ABCA7: variants seen among roughly 807,000 people sequenced by gnomAD.
ABCA7 encodes the protein phospholipid-transporting ATPase ABCA7.
In ABCA7, 261 loss-of-function variants were observed where a neutral mutation model predicts 227.6. The observed-to-expected ratio is 1.15, with a 90% CI of 1.04 to 1.27. The LOEUF (loss-of-function observed/expected upper bound fraction) is 1.27, where lower values mean the gene tolerates loss of function less well. Ranked by LOEUF, ABCA7 falls within the 50% of genes most tolerant of loss-of-function variation. The pLI is 0.00. For missense variants in ABCA7, 3,331 were observed against 2,924.5 expected, an observed-to-expected ratio of 1.14 and a Z score of -3.21; for synonymous variants, 1,488 against 1,279.7, an observed-to-expected ratio of 1.16 and a Z score of -3.47.
rs1437019287 is a variant in ABCA7 at position 1,051,297 on chromosome 19, G to A, written c.2824+3G>A. On this transcript the variant is annotated splice_donor_region_variant and intron_variant, in intron 20 of 46. Coordinates refer to ENST00000263094, the MANE Select transcript of ABCA7 (RefSeq NM_019112.4). ...TGTGCAGACTCGCCACCTCTCTGGT[G>A]AGCCCATCCCCAAGGGAGGTCACCT... The A allele has an allele frequency of 1.3e-6, 2 of 1,592,802 alleles. No homozygotes were observed. The highest frequency in any genetic ancestry group is 1.9e-4 in the Middle Eastern group (1 of 5,342).
chr19:1,054,770 TCACA>T lies in ABCA7; in HGVS notation c.3852-5_3852-2del. On this transcript the variant is annotated splice_region_variant and splice_polypyrimidine_tract_variant and intron_variant, in intron 28 of 46. Coordinates refer to ENST00000263094, the MANE Select transcript of ABCA7 (RefSeq NM_019112.4). This position sits in a 1 kb window ranked among gnomAD's most constrained non-coding sequence, Gnocchi z 4.8. ...TACAGCCCTGACCCTACATCTCCCC[TCACA>T]CACAGTGAGGACGCCCCAGGGGACC... 6.2e-7 allele frequency: 1 copy of T among 1,606,746 alleles called. No homozygotes were observed. The highest frequency in any genetic ancestry group is 1.3e-5 in the African/African-American group (1 of 74,862).
Position 1,049,314 on chromosome 19 carries a change from G to C in ABCA7, c.2429G>C (p.Arg810Pro), listed in dbSNP as rs140454592. ...GGCCTGAGTCCTGGCGTCTCCGTTC[G>C]CAGCCTGGAGAAGCGCTTTCCTGGA... The part of the protein sequence containing the change: ...PPGLSPGVSV[R>P]SLEKRFPGSP... The change falls in exon 18 of 47, where the codon CGC becomes CCC. Residue 810 changes from arginine (R) to proline (P), a missense_variant. Physicochemically the swap from Arg to Pro is moderately radical, Grantham distance 103 (BLOSUM62 -2). Transcript: ENST00000263094. The C allele has an allele frequency of 2.2e-5, 35 of 1,611,212 alleles. No homozygotes were observed. The highest frequency in any genetic ancestry group is 1.6e-4 in the Middle Eastern group (1 of 6,074).
intron 30 of ABCA7, 69 bp downstream of exon 30, chr19:1,055,420 G>C (rs1042741706): frequency 1.4e-6 from 2 of 1,462,374 alleles, no homozygotes; most frequent in African/African-American, 2.8e-5. Flanking sequence ...GGGCTGGTGT[G>C]GTCCTGGAGG....
Position 1,047,554 on chromosome 19 carries a change from T to G in ABCA7, c.2169T>G (p.Pro723=). Residue 723 remains proline (P), a synonymous_variant, in exon 16 of 47, where the codon CCT becomes CCG. Transcript: ENST00000263094. Reference sequence around the variant, plus strand: ...AGTGGCACAACGTGGGCACCCGGCCTACGGCAGACGTCTTCAGCCTGGCCC... The same window carrying G: ...AGTGGCACAACGTGGGCACCCGGCCGACGGCAGACGTCTTCAGCCTGGCCC... The part of the protein sequence containing the change: ...GAQWHNVGTR[P]TADVFSLAQV... The G allele has an allele frequency of 1.2e-6, 2 of 1,601,842 alleles. No individual in the cohort carries two copies. The highest frequency in any genetic ancestry group is 1.7e-6 in the Non-Finnish European group (2 of 1,178,812).
intron 9 of ABCA7, 34 bp downstream of exon 9, chr19:1,043,507 G>A (rs781511863): frequency 1.9e-6 from 3 of 1,612,750 alleles, no homozygotes; most frequent in South Asian, 2.2e-5. Context: ...GTGGGAGGGT[G>A]GTGGCCAGAG....
Position 1,043,035 on chromosome 19 carries a change from C to G in ABCA7, c.580-6C>G. 2 of 1,595,800 alleles carry G rather than the reference C, an allele frequency of 1.3e-6. No individual in the cohort carries two copies. The highest frequency in any genetic ancestry group is 1.1e-5 in the South Asian group (1 of 90,106). ...TTGCCAGCTCCGTCTGGTAACCTCT[C>G]TCTAGCTCCTGGCGCTGCGCAGCCT... On this transcript the variant is annotated splice_region_variant and splice_polypyrimidine_tract_variant and intron_variant, in intron 7 of 46. Transcript: ENST00000263094.
At chr19:1,055,819 C>T in intron 30 of ABCA7, 88 bp from the exon 31 acceptor site, 1 of 1,357,002 alleles carries the variant, frequency 7.4e-7, no homozygotes, top group Non-Finnish European at 9.9e-7. Context: ...CTGTTTTTGT[C>T]CACCCTTGAC....
intron 15 of ABCA7, 27 bp downstream of exon 15, chr19:1,047,405 G>C (rs1474566729): frequency 3.9e-6 from 6 of 1,549,734 alleles, no homozygotes; most frequent in Non-Finnish European, 5.2e-6. Context: ...GCGTGGATGG[G>C]GGACGCCCCC....
rs1410966785 is a variant in ABCA7, at chr19:1,054,761, C to T, written c.3852-19C>T. 1 of 1,607,344 alleles carries T rather than the reference C, an allele frequency of 6.2e-7. No homozygotes were observed. Among genetic ancestry groups the T allele is most frequent in the Non-Finnish European group, 8.5e-7 (1 of 1,176,668 alleles). ...ACCTGGGGGTACAGCCCTGACCCTACATCTCCCCTCACACACAGTGAGGAC... is the reference window on the plus strand; with the variant it reads ...ACCTGGGGGTACAGCCCTGACCCTATATCTCCCCTCACACACAGTGAGGAC... On this transcript the variant is annotated intron_variant, in intron 28 of 46. Transcript: ENST00000263094. The surrounding 1 kb of genome is among the most constrained non-coding windows in gnomAD (Gnocchi z 4.8).
At position 1,055,107 on chromosome 19, in the gene ABCA7, C is replaced by T. The variant is rs1231175720; in HGVS notation, c.3961C>T (p.Pro1321Ser). ...GCCCATTGTCTGCAGGTTCTCGGCACCAGAAGTTCCTGCTGAAGTGGCCAA... is the reference window on the plus strand; with the variant it reads ...GCCCATTGTCTGCAGGTTCTCGGCATCAGAAGTTCCTGCTGAAGTGGCCAA... ...VQHSSHRFSAPEVPAEVAKVL... is the reference protein window; with the variant it reads ...VQHSSHRFSASEVPAEVAKVL... The change falls in exon 30 of 47, where the codon CCA (proline) becomes TCA (serine). Residue 1321 changes from proline (P) to serine (S), a missense_variant. Physicochemically the swap from Pro to Ser is moderately conservative, Grantham distance 74 (BLOSUM62 -1). Transcript: ENST00000263094. 1 of 1,611,972 alleles carries T rather than the reference C, an allele frequency of 6.2e-7. No individual in the cohort carries two copies. The highest frequency in any genetic ancestry group is 2.2e-5 in the East Asian group (1 of 44,854).
At chr19:1,041,679 C>T in intron 3 of ABCA7, 76 bp downstream of exon 3, 2 of 1,562,690 alleles carry the variant, frequency 1.3e-6, no homozygotes, top group South Asian at 1.1e-5. Context: ...AGGAATCCCC[C>T]GTGCATGTCA....
chr19:1,054,620 C>A lies in ABCA7; in HGVS notation c.3777C>A (p.Ile1259=), dbSNP rs141515421. 177 of 1,613,336 alleles carry A rather than the reference C, an allele frequency of 1.1e-4. No homozygotes were observed. In the East Asian group the frequency reaches 3.9e-3, roughly 36 times the overall value. ...GCCTGGCCCTCGTGTTCAGCCTCAT[C>A]GTGCCTCCTTTCGGGCACTACCCGG... ...FVGLALVFSL[I]VPPFGHYPAL... Residue 1259 remains isoleucine (I), a synonymous_variant, in exon 28 of 47, where the codon ATC becomes ATA. Coordinates refer to ENST00000263094, the MANE Select transcript of ABCA7 (RefSeq NM_019112.4). This position sits in a 1 kb window ranked among gnomAD's most constrained non-coding sequence, Gnocchi z 4.8.
Position 1,047,024 on chromosome 19 carries a change from G to T in ABCA7, c.1845G>T (p.Lys615Asn). The change falls in exon 14 of 47, where the codon AAG becomes AAT. Residue 615 changes from lysine to asparagine, a missense_variant and splice_region_variant. By Grantham distance (94) the Lys-to-Asn change is moderately conservative. Coordinates refer to ENST00000263094, the MANE Select transcript of ABCA7 (RefSeq NM_019112.4). ...LSAALLVLVL[K>N]LGDILPYSHP... ...CCGCACTGCTGGTTCTGGTGCTCAA[G>T]GTGGGCGCGCCTCGGCCTGCCCGGC... is the stretch of plus-strand genomic sequence containing the variant. The T allele has an allele frequency of 6.4e-7, 1 of 1,561,304 alleles. No homozygotes were observed. The highest frequency in any genetic ancestry group is 1.2e-5 in the South Asian group (1 of 85,610).
At position 1,051,028 on chromosome 19, in the gene ABCA7, C is replaced by G; in HGVS notation, c.2660C>G (p.Pro887Arg). Residue 887 changes from proline to arginine, a missense_variant, in exon 19 of 47, where the codon CCT becomes CGT. Physicochemically the swap from Pro to Arg is moderately radical, Grantham distance 103. Coordinates refer to ENST00000263094, the MANE Select transcript of ABCA7 (RefSeq NM_019112.4). ...AAIRPHLGVC[P>R]QYNVLFDMLT... ...ATCCGGCCCCACCTGGGCGTCTGTCCTCAGTACAACGTGCTGTTTGACATG... is the reference window on the plus strand; with the variant it reads ...ATCCGGCCCCACCTGGGCGTCTGTCGTCAGTACAACGTGCTGTTTGACATG... 1 of 1,612,042 alleles carries G rather than the reference C, an allele frequency of 6.2e-7. No homozygotes were observed. The highest frequency in any genetic ancestry group is 8.5e-7 in the Non-Finnish European group (1 of 1,179,548).
In ABCA7 at chr19:1,042,311, C is replaced by A. The variant is rs1025392473; in HGVS notation, c.416-4C>A. ...CCCCATGCTCCCGTGCGCTCCTCCC[C>A]CAGCCCAGCCTCAACCAACCAAGCA... On this transcript the variant is annotated splice_polypyrimidine_tract_variant and splice_region_variant and intron_variant, in intron 5 of 46. Transcript: ENST00000263094. 6 of 1,575,178 alleles carry A rather than the reference C, an allele frequency of 3.8e-6. No homozygotes were observed. The highest frequency in any genetic ancestry group is 1.7e-4 in the Middle Eastern group (1 of 5,924).
At chr19:1,042,006 A>G (rs752922595) in intron 4 of ABCA7, 34 bp downstream of exon 4, 3 of 1,577,552 alleles carry the variant, frequency 1.9e-6, no homozygotes, top group South Asian at 1.1e-5. Context: ...GCCGGCCTGC[A>G]AACTCGGGGC....
rs751660604 is a variant in ABCA7, at chr19:1,047,133, C to G, written c.1846-24C>G. 2.5e-6 allele frequency: 4 copies of G among 1,585,504 alleles called. No homozygotes were observed. The Admixed American group carries it at 7.1e-5, about 28-fold the overall frequency. ...CCCAGGCCAATCCAGGAGCTGCACC[C>G]TAAGCTCCCGTTGCCTCTCACAGCT... On this transcript the variant is annotated intron_variant, in intron 14 of 46. Transcript: ENST00000263094.
At chr19:1,060,924 G>A (rs1202095346) in intron 40 of ABCA7, among the ~76,000 whole-genome samples, 1 of 152,148 alleles carries the variant, frequency 6.6e-6, no homozygotes, top group Non-Finnish European at 1.5e-5. Flanking sequence ...GGAAACATAT[G>A]GAGAGCTCAT....
In ABCA7 at chr19:1,060,205, A is replaced by AT. The variant is rs1223098062; in HGVS notation, c.5463+1121dup. Among the ~76,000 whole-genome samples the AT allele has an allele frequency of 4.3e-4, 21 of 49,230 alleles. 2 individuals carry two copies. The highest frequency in any genetic ancestry group is 1.2e-3 in the African/African-American group (16 of 13,354). The allele number at this position is 49,230 out of a possible 152,430, so 32.3% of individuals were successfully genotyped here. ...TTAGCACACATTGCAGTATATATATATATTTTTTTTTCTTTTTTTTTCTTT... is the reference window on the plus strand; with the variant it reads ...TTAGCACACATTGCAGTATATATATATTATTTTTTTTTCTTTTTTTTTCTTT... On this transcript the variant is annotated intron_variant, in intron 40 of 46. Coordinates refer to ENST00000263094, the MANE Select transcript of ABCA7 (RefSeq NM_019112.4).
Sources: allele counts gnomAD v4.1 joint callset (sites outside exome capture counted in the v4.1 genomes callset), GRCh38; gene constraint gnomAD v4.1.1; non-coding constraint Gnocchi (gnomAD v3.1); transcripts MANE v1.5; gene names NCBI Gene and HGNC (gene_info 2026-07-23, HGNC 2026-07-21).